NEK10: variants seen among roughly 807,000 people sequenced by gnomAD.
The protein encoded by NEK10 is serine/threonine-protein kinase Nek10.
A neutral mutation model predicts 159.8 loss-of-function variants in NEK10; 122 were observed. The ratio of observed to expected loss-of-function variants is 0.76; its 90% confidence interval spans 0.66 to 0.89. The LOEUF (loss-of-function observed/expected upper bound fraction) is 0.89. Ranked by LOEUF, NEK10 falls within the 40% of genes least tolerant of loss-of-function variation. The pLI is 0.00. For synonymous variants in NEK10, 466 were observed against 457.1 expected (o/e 1.02, Z -0.25); for missense variants, 1,342 against 1,323.1 (o/e 1.01, Z -0.22).
chr3:27,280,095 GA>G (rs1203824501), intron 22 of NEK10, among the ~76,000 whole-genome samples: 3,311 of 69,470 alleles, frequency 0.048, 46 homozygotes, highest in African/African-American at 0.091. Flanking sequence ...CCCTAAAATG[GA>G]AAAAAAAAAA....
intron 23 of NEK10, among the ~76,000 whole-genome samples, chr3:27,220,057 A>C (rs977643061): frequency 6.7e-6 from 1 of 149,746 alleles, no homozygotes; most frequent in Admixed American, 6.6e-5. Context: ...AACATCATTG[A>C]AAAAAGTTTT....
At chr3:27,121,392 C>G (rs1231415356) in intron 32 of NEK10, among the ~76,000 whole-genome samples, 2 of 152,120 alleles carry the variant, frequency 1.3e-5, no homozygotes, top group Non-Finnish European at 2.9e-5. Context: ...TGTGTCCTCA[C>G]CCAAATCTCA....
intron 23 of NEK10, among the ~76,000 whole-genome samples, chr3:27,202,950 G>T (rs1424282415): frequency 6.6e-6 from 1 of 152,094 alleles, no homozygotes; most frequent in Admixed American, 6.6e-5. Context: ...CCTGCTTTTG[G>T]CTTTGACTGT....
chr3:27,254,139 C>A (rs1008225279), intron 23 of NEK10, among the ~76,000 whole-genome samples: 2 of 152,248 alleles, frequency 1.3e-5, no homozygotes, highest in South Asian at 4.2e-4. Flanking sequence ...CGCATGTAGC[C>A]CAACATAAAC....
intron 30 of NEK10, among the ~76,000 whole-genome samples, chr3:27,152,601 A>C (rs1452768155): frequency 3.3e-5 from 5 of 151,944 alleles, no homozygotes; most frequent in African/African-American, 9.7e-5. Context: ...AAACCAAAAA[A>C]CAAAAAAAAA....
chr3:27,163,844 G>A (rs1391188916), intron 29 of NEK10, among the ~76,000 whole-genome samples: 1 of 152,190 alleles, frequency 6.6e-6, no homozygotes, highest in Non-Finnish European at 1.5e-5. Flanking sequence ...AAACATGGCT[G>A]ATAATTCTCT....
chr3:27,163,987 C>A (rs535531840), intron 29 of NEK10, among the ~76,000 whole-genome samples: 3 of 152,278 alleles, frequency 2.0e-5, no homozygotes, highest in African/African-American at 7.2e-5. Flanking sequence ...ATACCAAAAT[C>A]TTTGCATCCA....
At chr3:27,340,509 G>A (rs1019275568) in intron 5 of NEK10, among the ~76,000 whole-genome samples, 1 of 152,010 alleles carries the variant, frequency 6.6e-6, no homozygotes, top group African/African-American at 2.4e-5. Flanking sequence ...ATGTATACCA[G>A]AACTTACAGT....
At chr3:27,329,306 T>C (rs1424913898) in intron 5 of NEK10, among the ~76,000 whole-genome samples, 1 of 152,190 alleles carries the variant, frequency 6.6e-6, no homozygotes, top group African/African-American at 2.4e-5. Context: ...CTTGAGTATG[T>C]CTTTATTAGC....
chr3:27,188,448 T>C (rs971338557), intron 26 of NEK10, among the ~76,000 whole-genome samples: 4 of 152,244 alleles, frequency 2.6e-5, no homozygotes, highest in Non-Finnish European at 5.9e-5. Context: ...ATTAATTATA[T>C]ACCACAGGCA....
chr3:27,248,518 C>T (rs1363291354), intron 23 of NEK10, among the ~76,000 whole-genome samples: 3 of 152,186 alleles, frequency 2.0e-5, no homozygotes, highest in African/African-American at 7.2e-5. Context: ...TCTCTTGGTA[C>T]TACTTTCACT....
At position 27,108,881 on chromosome 3, in the gene NEK10, T is replaced by C. The variant is rs1939239911; in HGVS notation, c.*2391A>G. 6.6e-6 allele frequency among the ~76,000 whole-genome samples: 1 copy of C among 152,214 alleles called. No homozygotes were observed. The highest frequency in any genetic ancestry group is 6.5e-5 in the Admixed American group (1 of 15,282). On this transcript the variant is annotated 3_prime_UTR_variant, in exon 36 of 36. Transcript: ENST00000691995. ...CTTTTGCCAGAGCCTGACTTTCTCT[T>C]AGAGACATGGGAAAATATAGACTCA... is the stretch of plus-strand genomic sequence containing the variant.
At chr3:27,318,099 A>T (rs1246645820) in intron 6 of NEK10, among the ~76,000 whole-genome samples, 1 of 152,198 alleles carries the variant, frequency 6.6e-6, no homozygotes, top group Non-Finnish European at 1.5e-5. Context: ...CACCGCGCCC[A>T]GCCAAAGTTT....
chr3:27,204,309 T>TG (rs759564703), intron 23 of NEK10, among the ~76,000 whole-genome samples: 29 of 119,524 alleles, frequency 2.4e-4, no homozygotes, highest in South Asian at 6.1e-4. Context: ...TTGTTTTTTT[T>TG]TTTTTTTTTT....
At chr3:27,330,290 C>T (rs1035337729) in intron 5 of NEK10, among the ~76,000 whole-genome samples, 2 of 152,164 alleles carry the variant, frequency 1.3e-5, no homozygotes, top group African/African-American at 4.8e-5. Flanking sequence ...TTGAGGACTA[C>T]ATGAGATCTT....
chr3:27,149,818 T>G (rs1944655921), intron 30 of NEK10, among the ~76,000 whole-genome samples: 1 of 152,112 alleles, frequency 6.6e-6, no homozygotes, highest in South Asian at 2.1e-4. Flanking sequence ...TAAAGCTTAG[T>G]GAGGAAGGCA....
chr3:27,271,314 TC>T (rs2041341749), intron 22 of NEK10, among the ~76,000 whole-genome samples: 1 of 152,140 alleles, frequency 6.6e-6, no homozygotes, highest in African/African-American at 2.4e-5. Flanking sequence ...TGGCTTGCTA[TC>T]TTTCCCCTTT....
chr3:27,180,787 C>T (rs1211928773), intron 26 of NEK10, among the ~76,000 whole-genome samples: 4 of 151,892 alleles, frequency 2.6e-5, no homozygotes, highest in African/African-American at 9.7e-5. Flanking sequence ...TTTGCTTGGC[C>T]CACTGCAATC....
intron 26 of NEK10, among the ~76,000 whole-genome samples, chr3:27,180,977 C>T (rs1280689842): frequency 1.3e-5 from 2 of 152,172 alleles, no homozygotes; most frequent in African/African-American, 4.8e-5. Context: ...CCCTGCTTCA[C>T]CGCACGCTGG....
Sources: gnomAD v4.1 joint callset for allele counts (sites outside exome capture counted in the v4.1 genomes callset) on GRCh38, gnomAD v4.1.1 for gene constraint, MANE v1.5 for transcripts, NCBI Gene and HGNC (gene_info 2026-07-23, HGNC 2026-07-21) for gene names.